The following MSRB3 variants were observed in gnomAD, a reference collection of about 807,000 sequenced individuals.
The protein encoded by MSRB3 is methionine sulfoxide reductase B3, also known as methionine-R-sulfoxide reductase B3.
In MSRB3, 13 loss-of-function variants were observed where a neutral mutation model predicts 21.0. The observed-to-expected ratio is 0.62, with a 90% CI of 0.40 to 0.98. MSRB3 has a LOEUF of 0.98. Ranked by LOEUF, MSRB3 falls within the 50% of genes least tolerant of loss-of-function variation. The pLI, the probability that MSRB3 is intolerant of heterozygous loss-of-function variation, is 0.00. For missense variants in MSRB3, 199 were observed against 230.3 expected, an observed-to-expected ratio of 0.86 and a Z score of 0.88; for synonymous variants, 87 against 88.6, an observed-to-expected ratio of 0.98 and a Z score of 0.10.
intron 4 of MSRB3, among the ~76,000 whole-genome samples, chr12:65,346,233 C>T (rs1285986153): frequency 5.3e-5 from 8 of 152,206 alleles, no homozygotes; most frequent in Non-Finnish European, 8.8e-5. Context: ...TCTCCACATC[C>T]TCTCCGGCAC....
At chr12:65,435,878 A>G (rs138612732) in intron 5 of MSRB3, among the ~76,000 whole-genome samples, 2 of 151,956 alleles carry the variant, frequency 1.3e-5, no homozygotes, top group Non-Finnish European at 2.9e-5. Context: ...TTCTAGGGAG[A>G]GTCCAGATAT....
chr12:65,453,947 A>G (rs770443598), intron 6 of MSRB3, 122 bp downstream of exon 6: 4 of 775,460 alleles, frequency 5.2e-6, no homozygotes, highest in South Asian at 2.8e-5. Context: ...CGAAGTTTAT[A>G]TGAAGTCCGA....
chr12:65,337,577 A>G (rs1323160732), intron 4 of MSRB3, among the ~76,000 whole-genome samples: 1 of 151,962 alleles, frequency 6.6e-6, no homozygotes, highest in East Asian at 1.9e-4. Context: ...ACCCTACCGT[A>G]TCGAAGGAAA....
intron 2 of MSRB3, chr12:65,316,372 G>A (rs936057506): frequency 1.3e-5 from 2 of 152,106 alleles, no homozygotes; most frequent in African/African-American, 2.4e-5. Context: ...AAAAAGATGG[G>A]GGTGGAAGGG....
At chr12:65,301,172 A>G (rs765511141) in intron 1 of MSRB3, among the ~76,000 whole-genome samples, 17 of 152,218 alleles carry the variant, frequency 1.1e-4, no homozygotes, top group Non-Finnish European at 2.4e-4. Flanking sequence ...CTCATTATAG[A>G]TGTATACATG....
chr12:65,351,608 C>T (rs1156411796), intron 4 of MSRB3, among the ~76,000 whole-genome samples: 1 of 148,840 alleles, frequency 6.7e-6, no homozygotes, highest in Admixed American at 6.6e-5. Context: ...CAAATAGACA[C>T]AATAAAAAAT....
At chr12:65,390,301 A>G (rs1001610485) in intron 5 of MSRB3, among the ~76,000 whole-genome samples, 3 of 152,170 alleles carry the variant, frequency 2.0e-5, no homozygotes, top group Admixed American at 2.0e-4. Context: ...GTCCTCTTCT[A>G]ACTCTTATCT....
intron 1 of MSRB3, among the ~76,000 whole-genome samples, chr12:65,289,232 C>T (rs190203075): frequency 1.0e-3 from 156 of 152,272 alleles, no homozygotes; most frequent in African/African-American, 3.7e-3. Context: ...TGGTGGCTCA[C>T]GCCTGTATTC....
chr12:65,379,691 C>T (rs765538884), intron 5 of MSRB3, among the ~76,000 whole-genome samples: 5 of 152,020 alleles, frequency 3.3e-5, no homozygotes, highest in South Asian at 2.1e-4. Flanking sequence ...GTTATTTGTA[C>T]GTTATCAATA....
intron 5 of MSRB3, among the ~76,000 whole-genome samples, chr12:65,388,914 ATT>A (rs1401669708): frequency 6.6e-6 from 1 of 152,208 alleles, no homozygotes; most frequent in Non-Finnish European, 1.5e-5. Context: ...TAATTTGAAT[ATT>A]GTGAGCAAAA....
intron 6 of MSRB3, among the ~76,000 whole-genome samples, chr12:65,457,091 A>G (rs1383793475): frequency 6.6e-6 from 1 of 151,528 alleles, no homozygotes; most frequent in African/African-American, 2.4e-5. Context: ...AGTCACTTGT[A>G]TTTTACTTCC....
At chr12:65,357,547 T>A (rs1024411800) in intron 4 of MSRB3, among the ~76,000 whole-genome samples, 8 of 152,010 alleles carry the variant, frequency 5.3e-5, no homozygotes, top group African/African-American at 1.9e-4. Context: ...TAAAGCCCAT[T>A]TTTTTCATAC....
At chr12:65,331,801 G>A (rs147673983) in intron 4 of MSRB3, among the ~76,000 whole-genome samples, 74 of 152,326 alleles carry the variant, frequency 4.9e-4, no homozygotes, top group Non-Finnish European at 8.5e-4. Context: ...CTGCGTACAC[G>A]GGAGGAGATG....
chr12:65,355,666 G>A (rs1877339543), intron 4 of MSRB3, among the ~76,000 whole-genome samples: 3 of 151,644 alleles, frequency 2.0e-5, no homozygotes, highest in Admixed American at 2.0e-4. Context: ...AGTGTTAATG[G>A]CAGTCGCATG....
chr12:65,454,314 TA>T (rs1882994712), intron 6 of MSRB3: 1 of 151,376 alleles, frequency 6.6e-6, no homozygotes, highest in African/African-American at 2.4e-5. Flanking sequence ...AATAAATAAA[TA>T]AATAAATAAA....
At chr12:65,453,470 T>C (rs1237858008) in intron 5 of MSRB3, among the ~76,000 whole-genome samples, 2 of 152,138 alleles carry the variant, frequency 1.3e-5, no homozygotes. Context: ...AGAAAACTAT[T>C]GGATGGTCTA....
At chr12:65,333,720 C>T (rs968542731) in intron 4 of MSRB3, among the ~76,000 whole-genome samples, 1 of 152,228 alleles carries the variant, frequency 6.6e-6, no homozygotes, top group Admixed American at 6.5e-5. Flanking sequence ...ATCTCTGCTC[C>T]ATAGCACTTT....
At chr12:65,316,060 C>A (rs901597287) in intron 2 of MSRB3, 1 of 152,142 alleles carries the variant, frequency 6.6e-6, no homozygotes, top group Non-Finnish European at 1.5e-5. Context: ...TTCAGAGCTT[C>A]TCATCATATT....
In MSRB3 at chr12:65,387,663, G is replaced by A. The variant is rs142927361; in HGVS notation, c.292+18637G>A. 6.2e-4 allele frequency among the ~76,000 whole-genome samples: 95 copies of A among 152,180 alleles called. 2 individuals carry two copies. In the East Asian group the frequency reaches 0.01, roughly 16 times the overall value. On this transcript the variant is annotated intron_variant, in intron 5 of 6. Transcript: ENST00000308259. ...TTGGGGCATATAATATAAACTCTCT[G>A]AGCTTCAATTTCCTCATTTGTAAAA...
Sources: allele counts gnomAD v4.1 joint callset (sites outside exome capture counted in the v4.1 genomes callset), GRCh38; gene constraint gnomAD v4.1.1; transcripts MANE v1.5; gene names NCBI Gene and HGNC (gene_info 2026-07-23, HGNC 2026-07-21).